Variants in RBFOX3 observed in about 807,000 individuals in gnomAD.
The protein encoded by RBFOX3 is RNA binding protein fox-1 homolog 3.
A neutral mutation model predicts 48.7 loss-of-function variants in RBFOX3; 17 were observed. That is an observed-to-expected ratio of 0.35 (90% CI 0.24 to 0.52). The LOEUF (loss-of-function observed/expected upper bound fraction) is 0.52. Ranked by LOEUF, RBFOX3 falls within the 20% of genes least tolerant of loss-of-function variation. RBFOX3 has a pLI of 0.94. For missense variants in RBFOX3, 382 were observed against 497.5 expected, an observed-to-expected ratio of 0.77 and a Z score of 2.21; for synonymous variants, 212 against 209.5, an observed-to-expected ratio of 1.01 and a Z score of -0.10.
intron 2 of RBFOX3, among the ~76,000 whole-genome samples, chr17:79,468,986 G>GGATGGATGGATGGATA (rs370251658): frequency 1.4e-4 from 13 of 91,124 alleles, no homozygotes; most frequent in African/African-American, 3.4e-4. Flanking sequence ...ATGGATGGAT[G>GGATGGATGGATGGATA]GATAGCAGAT....
intron 1 of RBFOX3, among the ~76,000 whole-genome samples, chr17:79,492,229 GC>G (rs2080785929): frequency 6.6e-6 from 1 of 152,184 alleles, no homozygotes; most frequent in Non-Finnish European, 1.5e-5. Context: ...AGAGAATCCT[GC>G]CTGCACTGGG....
At chr17:79,531,549 C>T (rs2087778058) in intron 1 of RBFOX3, among the ~76,000 whole-genome samples, 1 of 152,294 alleles carries the variant, frequency 6.6e-6, no homozygotes, top group African/African-American at 2.4e-5. Flanking sequence ...CATGCCCTTA[C>T]ATCCCAGCCC....
At position 79,204,266 on chromosome 17, in the gene RBFOX3, C is replaced by A. The variant is rs1357979413; in HGVS notation, c.-34+31500G>T. Reference sequence around the variant, plus strand: ...AGCTCCAAGACCCAGTGGATACACACCAGTGGACGCCGGGGAGCGGACACA... The same window carrying A: ...AGCTCCAAGACCCAGTGGATACACAACAGTGGACGCCGGGGAGCGGACACA... On this transcript the variant is annotated intron_variant, in intron 4 of 14. Transcript: ENST00000693108. This position sits in a 1 kb window ranked among gnomAD's most constrained non-coding sequence, Gnocchi z 4.5. Among the ~76,000 whole-genome samples the A allele has an allele frequency of 6.6e-6, 1 of 152,148 alleles. No individual in the cohort carries two copies. Among genetic ancestry groups the A allele is most frequent in the African/African-American group, 2.4e-5 (1 of 41,430 alleles).
Position 79,390,888 on chromosome 17 carries a change from C to A in RBFOX3, c.-174-83064G>T, listed in dbSNP as rs1263739218. Among the ~76,000 whole-genome samples the A allele has an allele frequency of 2.0e-5, 3 of 152,188 alleles. 1 individual carries two copies. Among genetic ancestry groups the A allele is most frequent in the Admixed American group, 2.0e-4 (3 of 15,280 alleles). Reference sequence around the variant, plus strand: ...TCCTGCCCAGACACCTCGGGATGAGCCCCTGGTGGGACTGCTCGGGTGCCG... The same window carrying A: ...TCCTGCCCAGACACCTCGGGATGAGACCCTGGTGGGACTGCTCGGGTGCCG... On this transcript the variant is annotated intron_variant, in intron 2 of 14. Coordinates refer to ENST00000693108, the MANE Select transcript of RBFOX3 (RefSeq NM_001350451.2). The surrounding 1 kb of genome is among the most constrained non-coding windows in gnomAD (Gnocchi z 4.2).
intron 1 of RBFOX3, among the ~76,000 whole-genome samples, chr17:79,520,770 G>A (rs999101857): frequency 3.4e-4 from 52 of 152,206 alleles, no homozygotes; most frequent in African/African-American, 1.2e-3. Context: ...GGAAAGAGTC[G>A]GGCCCTCCCG....
At chr17:79,221,053 T>G (rs1223273178) in intron 4 of RBFOX3, among the ~76,000 whole-genome samples, 1 of 152,220 alleles carries the variant, frequency 6.6e-6, no homozygotes, top group African/African-American at 2.4e-5. Flanking sequence ...TGCTGGGGGC[T>G]AGGACCTTTG....
intron 1 of RBFOX3, among the ~76,000 whole-genome samples, chr17:79,551,170 G>C (rs887710035): frequency 5.9e-5 from 9 of 152,294 alleles, no homozygotes; most frequent in African/African-American, 1.9e-4. Context: ...GGGAATCCAG[G>C]CTATGCAAGG....
chr17:79,309,253 G>A (rs1310766810), intron 2 of RBFOX3, among the ~76,000 whole-genome samples: 4 of 152,164 alleles, frequency 2.6e-5, no homozygotes, highest in East Asian at 1.9e-4. Flanking sequence ...GAAGGAGGAA[G>A]GCAGACAGGG....
At chr17:79,244,330 C>A (rs572318254) in intron 3 of RBFOX3, among the ~76,000 whole-genome samples, 3 of 152,246 alleles carry the variant, frequency 2.0e-5, no homozygotes, top group South Asian at 2.1e-4. Context: ...AAGGAAGGAA[C>A]CTGCCCAGAA....
At chr17:79,172,173 C>CAAAAAAA (rs977301314) in intron 4 of RBFOX3, among the ~76,000 whole-genome samples, 109 of 52,218 alleles carry the variant, frequency 2.1e-3, no homozygotes, top group Non-Finnish European at 3.2e-3. Context: ...GAGTCCGTCT[C>CAAAAAAA]AAAAAAAAAA....
intron 14 of RBFOX3, 147 bp from the exon 15 acceptor site, chr17:79,091,032 T>C: frequency 1.2e-6 from 1 of 812,998 alleles, no homozygotes; most frequent in Non-Finnish European, 1.9e-6. Context: ...GACCCTCATC[T>C]TCCAGGGCTG....
At chr17:79,355,313 GT>G (rs2084767637) in intron 2 of RBFOX3, among the ~76,000 whole-genome samples, 2 of 152,210 alleles carry the variant, frequency 1.3e-5, no homozygotes, top group South Asian at 4.1e-4. Flanking sequence ...GAGACGTGTT[GT>G]TTGCAGAGCA....
rs528144667 is a variant in RBFOX3, at chr17:79,195,836, G to A, written c.-34+39930C>T. Among the ~76,000 whole-genome samples, 4 of 152,326 alleles carry A rather than the reference G, an allele frequency of 2.6e-5. No homozygotes were observed. The highest frequency in any genetic ancestry group is 1.9e-4 in the East Asian group (1 of 5,188). On this transcript the variant is annotated intron_variant, in intron 4 of 14. Transcript: ENST00000693108. This position sits in a 1 kb window ranked among gnomAD's most constrained non-coding sequence, Gnocchi z 5.3. ...GAAAGTGTCCTAGTGGCCAGCTCCC[G>A]TGCGGCTGCACTCGCTTGCATTTGG... is the stretch of plus-strand genomic sequence containing the variant.
intron 2 of RBFOX3, among the ~76,000 whole-genome samples, chr17:79,344,117 C>A (rs2082508955): frequency 6.6e-6 from 1 of 152,164 alleles, no homozygotes; most frequent in Non-Finnish European, 1.5e-5. Context: ...GAGGTGTAGG[C>A]AAATGGGATG....
At chr17:79,573,716 A>G (rs1367472053) in intron 1 of RBFOX3, among the ~76,000 whole-genome samples, 1 of 152,148 alleles carries the variant, frequency 6.6e-6, no homozygotes, top group Non-Finnish European at 1.5e-5. Flanking sequence ...CCGCCTTGCC[A>G]TCTTCCTCTG....
intron 4 of RBFOX3, among the ~76,000 whole-genome samples, chr17:79,183,653 A>C (rs1010861298): frequency 2.0e-5 from 3 of 152,062 alleles, no homozygotes; most frequent in African/African-American, 7.2e-5. Context: ...AGCAGGAGTC[A>C]GTCACTTTGG....
At chr17:79,401,059 T>C (rs1393966683) in intron 2 of RBFOX3, among the ~76,000 whole-genome samples, 1 of 152,252 alleles carries the variant, frequency 6.6e-6, no homozygotes, top group Non-Finnish European at 1.5e-5. Flanking sequence ...CATTTTTAAA[T>C]TCACAGACGC....
the RBFOX3 span, among the ~76,000 whole-genome samples, chr17:79,647,386 C>A: frequency 6.6e-6 from 1 of 152,180 alleles, no homozygotes; most frequent in Non-Finnish European, 1.5e-5. Context: ...GGTCTCTGCA[C>A]AGGAAAGCAG....
At chr17:79,388,755 C>A (rs1443193005) in intron 2 of RBFOX3, among the ~76,000 whole-genome samples, 1 of 152,194 alleles carries the variant, frequency 6.6e-6, no homozygotes, top group Non-Finnish European at 1.5e-5. Flanking sequence ...AGCCACCCCT[C>A]CTGCACATGC....
Sources: gnomAD v4.1 joint callset for allele counts (sites outside exome capture counted in the v4.1 genomes callset) on GRCh38, gnomAD v4.1.1 for gene constraint, Gnocchi (gnomAD v3.1) non-coding constraint, MANE v1.5 for transcripts, NCBI Gene and HGNC (gene_info 2026-07-23, HGNC 2026-07-21) for gene names.